Variants in TMEM276 observed in about 807,000 individuals in gnomAD.
TMEM276 encodes transmembrane protein 276.
the TMEM276 span, chr8:144,466,228 G>A: frequency 5.3e-6 from 1 of 188,992 alleles, no homozygotes. Flanking sequence ...AGAAACGGCG[G>A]GTCTCCAGGT....
chr8:144,464,656 G>C, the TMEM276 span: 16 of 1,578,390 alleles, frequency 1.0e-5, no homozygotes, highest in African/African-American at 1.4e-5. Flanking sequence ...AAAGAGGCCG[G>C]GGTCACCCTT....
At chr8:144,463,931 C>T in the TMEM276 span, 1 of 1,451,746 alleles carries the variant, frequency 6.9e-7, no homozygotes, top group Non-Finnish European at 9.0e-7. Context: ...GACCCTGTCC[C>T]TTTCATTCTG....
the TMEM276 span, chr8:144,466,482 C>G: frequency 1.5e-6 from 2 of 1,332,694 alleles, no homozygotes; most frequent in Non-Finnish European, 1.9e-6. Flanking sequence ...GGGATGGTGG[C>G]GCCGCGGCGG....
the TMEM276 span, chr8:144,466,473 G>C: frequency 4.6e-5 from 62 of 1,345,340 alleles, no homozygotes; most frequent in Non-Finnish European, 5.6e-5. Flanking sequence ...TCTTCCGCAG[G>C]GATGGTGGCG....
chr8:144,466,533 C>T, the TMEM276 span: 6 of 1,177,506 alleles, frequency 5.1e-6, no homozygotes, highest in South Asian at 3.0e-5. Flanking sequence ...GCGGGGCTGG[C>T]CGTGCAGCCC....
the TMEM276 span, chr8:144,464,481 A>C: frequency 7.4e-6 from 12 of 1,612,290 alleles, no homozygotes; most frequent in African/African-American, 1.3e-5. Context: ...CGAAGGCCAG[A>C]AGGGGAAGGC....
chr8:144,466,973 G>A, the TMEM276 span: 2 of 1,596,032 alleles, frequency 1.3e-6, no homozygotes, highest in South Asian at 1.1e-5. Flanking sequence ...CTCCGAGCCT[G>A]AGGATGGGTC....
the TMEM276 span, chr8:144,464,882 G>C: frequency 6.2e-7 from 1 of 1,612,312 alleles, no homozygotes; most frequent in Non-Finnish European, 8.5e-7. Context: ...GCTCCACTCG[G>C]CCCCCGGCTT....
chr8:144,464,991 C>A, the TMEM276 span: 1 of 1,552,694 alleles, frequency 6.4e-7, no homozygotes, highest in African/African-American at 1.3e-5. Context: ...CGACCTGGAG[C>A]CCTACGCGCG....
the TMEM276 span, chr8:144,464,440 G>A: frequency 6.2e-7 from 1 of 1,612,276 alleles, no homozygotes; most frequent in South Asian, 1.1e-5. Context: ...CAGGTTGGCA[G>A]AGGAGCGGTC....
chr8:144,466,396 G>C, the TMEM276 span: 10 of 1,077,722 alleles, frequency 9.3e-6, no homozygotes, highest in Non-Finnish European at 1.2e-5. Context: ...CGCGAAGCGG[G>C]GCCCTCTGCC....
chr8:144,464,752 G>A, the TMEM276 span: 32 of 1,605,426 alleles, frequency 2.0e-5, no homozygotes, highest in Admixed American at 3.4e-5. Flanking sequence ...AGGAAACTAG[G>A]TCCTTGGGGT....
At chr8:144,466,960 C>A in the TMEM276 span, 1 of 1,592,722 alleles carries the variant, frequency 6.3e-7, no homozygotes, top group Non-Finnish European at 8.5e-7. Flanking sequence ...GACCGGCAGC[C>A]AGCTCCGAGC....
chr8:144,464,865 G>A, the TMEM276 span: 5 of 1,612,658 alleles, frequency 3.1e-6, no homozygotes, highest in African/African-American at 1.3e-5. Flanking sequence ...AGATGGGACA[G>A]GGCTGTGCTC....
chr8:144,465,590 G>A, the TMEM276 span: 1 of 177,286 alleles, frequency 5.6e-6, no homozygotes, highest in Non-Finnish European at 1.1e-5. Context: ...GCCGGTTGGA[G>A]GCCGTAGGAG....
At chr8:144,464,475 G>A in the TMEM276 span, 1 of 1,612,366 alleles carries the variant, frequency 6.2e-7, no homozygotes, top group Non-Finnish European at 8.5e-7. Flanking sequence ...GGAAATCGAA[G>A]GCCAGAAGGG....
chr8:144,465,205 G>A, the TMEM276 span: 1 of 1,265,964 alleles, frequency 7.9e-7, no homozygotes, highest in Non-Finnish European at 1.0e-6. Context: ...TGGGAGTGCG[G>A]GCCTGGGGAA....
At chr8:144,466,588 G>C in the TMEM276 span, 1 of 919,678 alleles carries the variant, frequency 1.1e-6, no homozygotes, top group Non-Finnish European at 1.4e-6. Context: ...AGGTTCCCGG[G>C]GCGGGGGCGG....
the TMEM276 span, chr8:144,464,846 C>G: frequency 6.2e-7 from 1 of 1,612,898 alleles, no homozygotes; most frequent in Non-Finnish European, 8.5e-7. Context: ...AGACACCACT[C>G]CCAGCACCAG....
Sources: allele counts gnomAD v4.1 joint callset, GRCh38; gene constraint gnomAD v4.1.1; transcripts MANE v1.5; gene names NCBI Gene and HGNC (gene_info 2026-07-23, HGNC 2026-07-21).